ZBTB38: variants seen among roughly 807,000 people sequenced by gnomAD.
ZBTB38 encodes zinc finger and BTB domain-containing protein 38.
A neutral mutation model predicts 76.8 loss-of-function variants in ZBTB38; 20 were observed. That is an observed-to-expected ratio of 0.26 (90% CI 0.18 to 0.38). The LOEUF is 0.38. ZBTB38 is among the 10% of genes least tolerant of loss of function. ZBTB38 has a pLI of 1.00. For missense variants in ZBTB38, 1,082 were observed against 1,482.3 expected, an observed-to-expected ratio of 0.73 and a Z score of 4.43; for synonymous variants, 504 against 544.2, an observed-to-expected ratio of 0.93 and a Z score of 1.03.
intron 1 of ZBTB38, among the ~76,000 whole-genome samples, chr3:141,346,844 A>G (rs892950603): frequency 6.6e-6 from 1 of 151,530 alleles, no homozygotes; most frequent in Non-Finnish European, 1.5e-5. Context: ...GAAGAAGGCC[A>G]AACCTCAAGC....
At chr3:141,334,705 G>A (rs777515487) in intron 1 of ZBTB38, among the ~76,000 whole-genome samples, 12 of 151,940 alleles carry the variant, frequency 7.9e-5, no homozygotes, top group South Asian at 2.1e-4. Context: ...CCCAGCCCCC[G>A]GCACCACATA....
chr3:141,342,558 G>T (rs1359096911), intron 1 of ZBTB38, among the ~76,000 whole-genome samples: 1 of 152,100 alleles, frequency 6.6e-6, no homozygotes. Context: ...GGATTAGGCA[G>T]TTAGGAGAAC....
intron 1 of ZBTB38, among the ~76,000 whole-genome samples, chr3:141,352,912 C>T (rs528513854): frequency 2.0e-5 from 3 of 152,186 alleles, no homozygotes; most frequent in East Asian, 1.9e-4. Context: ...TTGAAGGTAA[C>T]ATAAGAACCC....
intron 4 of ZBTB38, among the ~76,000 whole-genome samples, chr3:141,403,657 A>G (rs1164593552): frequency 1.3e-5 from 2 of 152,208 alleles, no homozygotes; most frequent in African/African-American, 4.8e-5. Context: ...TTGAATCTGG[A>G]TTTGAGTCCT....
At chr3:141,342,691 A>T (rs926609142) in intron 1 of ZBTB38, among the ~76,000 whole-genome samples, 1 of 151,554 alleles carries the variant, frequency 6.6e-6, no homozygotes, top group Admixed American at 6.6e-5. Flanking sequence ...AGCCCGAAAT[A>T]AAAAAACTAG....
intron 1 of ZBTB38, among the ~76,000 whole-genome samples, chr3:141,358,804 A>G (rs1285436011): frequency 6.6e-6 from 1 of 152,184 alleles, no homozygotes; most frequent in Admixed American, 6.5e-5. Context: ...TGGACATTTT[A>G]TATGCATGAA....
At position 141,442,902 on chromosome 3, in the gene ZBTB38, G is replaced by A. The variant is rs1478249888; in HGVS notation, c.514G>A (p.Glu172Lys). 5.6e-6 allele frequency: 9 copies of A among 1,614,062 alleles called. No homozygotes were observed. Among genetic ancestry groups the A allele is most frequent in the East Asian group, 2.2e-5 (1 of 44,896 alleles). Residue 172 changes from glutamate (E) to lysine (K), a missense_variant, in exon 6 of 6, where the codon GAA becomes AAA. Transcript: ENST00000321464. This position sits in a 1 kb window ranked among gnomAD's most constrained non-coding sequence, Gnocchi z 6.4. ...PRITNAFSIIETENSNNMFSP... is the reference protein window; with the variant it reads ...PRITNAFSIIKTENSNNMFSP... ...GATCACAAATGCATTTTCCATCATC[G>A]AAACAGAAAATAGTAATAACATGTT...
At chr3:141,393,194 C>A (rs1234831276) in intron 4 of ZBTB38, among the ~76,000 whole-genome samples, 3 of 152,232 alleles carry the variant, frequency 2.0e-5, no homozygotes. Context: ...ATAAAACAAT[C>A]CTCTTCCTTA....
chr3:141,343,206 T>G (rs1374093750), intron 1 of ZBTB38, among the ~76,000 whole-genome samples: 1 of 152,128 alleles, frequency 6.6e-6, no homozygotes, highest in East Asian at 1.9e-4. Context: ...GAAAGCCATC[T>G]GGGGTAAAAG....
intron 5 of ZBTB38, among the ~76,000 whole-genome samples, chr3:141,415,526 G>A (rs1391046751): frequency 6.6e-6 from 1 of 152,178 alleles, no homozygotes; most frequent in Non-Finnish European, 1.5e-5. Flanking sequence ...GACCCGCTGT[G>A]TCAGAAAATG....
In ZBTB38 at chr3:141,444,384, A is replaced by G. The variant is rs745345649; in HGVS notation, c.1996A>G (p.Asn666Asp). The G allele has an allele frequency of 3.7e-6, 6 of 1,614,148 alleles. No individual in the cohort carries two copies. The East Asian group carries it at 1.1e-4, about 30-fold the overall frequency. ...GGAGGCATTGAAAATGGATCTTGAC[A>G]ATAACTTTTATTCAACTGAGGTGTC... ...GEEALKMDLDNNFYSTEVSVS... is the reference protein window; with the variant it reads ...GEEALKMDLDDNFYSTEVSVS... The change falls in exon 6 of 6, where the codon AAT (asparagine) becomes GAT (aspartate). Residue 666 changes from asparagine to aspartate, a missense_variant. Asn to Asp is a conservative substitution (Grantham distance 23). Transcript: ENST00000321464. This position sits in a 1 kb window ranked among gnomAD's most constrained non-coding sequence, Gnocchi z 5.1.
At chr3:141,409,778 C>T (rs1956022581) in intron 5 of ZBTB38, among the ~76,000 whole-genome samples, 2 of 152,230 alleles carry the variant, frequency 1.3e-5, no homozygotes, top group African/African-American at 4.8e-5. Context: ...TGTCACTGTG[C>T]TGGGCTAAAT....
At chr3:141,378,625 G>T (rs1217228575) in intron 2 of ZBTB38, among the ~76,000 whole-genome samples, 2 of 152,188 alleles carry the variant, frequency 1.3e-5, no homozygotes, top group African/African-American at 4.8e-5. Flanking sequence ...TTGAGGAGGG[G>T]GATTTATCCC....
At chr3:141,404,577 A>G (rs551859822) in intron 5 of ZBTB38, among the ~76,000 whole-genome samples, 14 of 152,330 alleles carry the variant, frequency 9.2e-5, no homozygotes, top group Admixed American at 8.5e-4. Context: ...CCTTGGAGCC[A>G]TATACAAGGT....
At chr3:141,418,536 A>G (rs1004981777) in intron 5 of ZBTB38, among the ~76,000 whole-genome samples, 14 of 152,142 alleles carry the variant, frequency 9.2e-5, no homozygotes, top group African/African-American at 3.4e-4. Flanking sequence ...TCTCTCCTCC[A>G]TTGGAGAGTG....
At chr3:141,342,136 C>G (rs188819059) in intron 1 of ZBTB38, among the ~76,000 whole-genome samples, 2 of 152,132 alleles carry the variant, frequency 1.3e-5, no homozygotes, top group Non-Finnish European at 2.9e-5. Flanking sequence ...ACTATCCTGG[C>G]CAACATGGTG....
intron 1 of ZBTB38, among the ~76,000 whole-genome samples, chr3:141,340,962 G>GAAAAGAAAAGAAAAGAAAAGAAAAGA (rs745536086): frequency 1.3e-4 from 17 of 131,672 alleles, no homozygotes; most frequent in African/African-American, 4.5e-4. Flanking sequence ...AAGAAAGAAA[G>GAAAAGAAAAGAAAAGAAAAGAAAAGA]AAAGAAAGAA....
intron 1 of ZBTB38, among the ~76,000 whole-genome samples, chr3:141,331,363 GGA>G (rs1212513364): frequency 6.6e-6 from 1 of 152,198 alleles, no homozygotes. Flanking sequence ...TGATTATGTA[GGA>G]GAGAGAGACA....
At chr3:141,374,796 T>C (rs1395507119) in intron 2 of ZBTB38, among the ~76,000 whole-genome samples, 1 of 152,242 alleles carries the variant, frequency 6.6e-6, no homozygotes, top group East Asian at 1.9e-4. Flanking sequence ...TATCAGTTTT[T>C]TGTTGTTGGA....
Sources: allele counts gnomAD v4.1 joint callset (sites outside exome capture counted in the v4.1 genomes callset), GRCh38; gene constraint gnomAD v4.1.1; non-coding constraint Gnocchi (gnomAD v3.1); transcripts MANE v1.5; gene names NCBI Gene and HGNC (gene_info 2026-07-23, HGNC 2026-07-21).